Variants in SLC10A2 observed in about 807,000 individuals in gnomAD.
SLC10A2 encodes ileal sodium/bile acid cotransporter.
Under a neutral mutation model 27.1 loss-of-function variants are expected in SLC10A2, and 34 were observed. The ratio of observed to expected loss-of-function variants is 1.26; its 90% CI spans 0.96 to 1.67. The LOEUF is 1.67. Ranked by LOEUF, SLC10A2 falls within the 40% of genes most tolerant of loss-of-function variation. SLC10A2 has a pLI of 0.00. For synonymous variants in SLC10A2, 205 were observed against 174.0 expected (o/e 1.18, Z -1.40); for missense variants, 530 against 444.4 (o/e 1.19, Z -1.73).
chr13:103,046,350 T>C, intron 5 of SLC10A2, 90 bp from the exon 6 acceptor site: 1 of 1,089,744 alleles, frequency 9.2e-7, no homozygotes, highest in East Asian at 2.6e-5. Context: ...ATGATTCACA[T>C]GGCAGATCAC....
intron 2 of SLC10A2, 28 bp downstream of exon 2, chr13:103,058,236 T>C: frequency 1.6e-6 from 2 of 1,275,682 alleles, no homozygotes; most frequent in Non-Finnish European, 2.3e-6. Context: ...AGGGTAACAG[T>C]CAACAGTCTT....
intron 3 of SLC10A2, among the ~76,000 whole-genome samples, chr13:103,052,096 A>G (rs1179390856): frequency 6.6e-6 from 1 of 152,274 alleles, no homozygotes; most frequent in Non-Finnish European, 1.5e-5. Flanking sequence ...TAGCTAGAAT[A>G]TAGTTAGTGA....
chr13:103,058,553 C>T (rs1188964679), intron 1 of SLC10A2, among the ~76,000 whole-genome samples, 171 bp from the exon 2 acceptor site: 1 of 152,094 alleles, frequency 6.6e-6, no homozygotes, highest in African/African-American at 2.4e-5. Context: ...TATTTCATTG[C>T]CTAGGTATTA....
chr13:103,052,097 T>C (rs1250754046), intron 3 of SLC10A2, among the ~76,000 whole-genome samples: 3 of 152,348 alleles, frequency 2.0e-5, no homozygotes, highest in Non-Finnish European at 4.4e-5. Flanking sequence ...AGCTAGAATA[T>C]AGTTAGTGAA....
intron 3 of SLC10A2, 53 bp from the exon 4 acceptor site, chr13:103,051,485 A>G: frequency 6.3e-7 from 1 of 1,590,296 alleles, no homozygotes; most frequent in Non-Finnish European, 8.6e-7. Context: ...AAGCAAATCC[A>G]AGTATGTTTG....
In SLC10A2 at chr13:103,065,949, G is replaced by A. The variant is rs945271994; in HGVS notation, c.301C>T (p.Leu101Phe). ...DILPLQAVVV[L>F]IIGCCPGGTA... ...CCTCCAGGGCAGCATCCTATAATGA[G>A]CACCACTACGGCCTGGAGCGGGAGG... The change falls in exon 1 of 6, where the codon CTC becomes TTC. Residue 101 changes from leucine to phenylalanine, a missense_variant. Transcript: ENST00000245312. The A allele has an allele frequency of 8.7e-6, 14 of 1,614,034 alleles. No individual in the cohort carries two copies. The African/African-American group carries it at 1.3e-4, about 15-fold the overall frequency.
At position 103,046,219 on chromosome 13, in the gene SLC10A2, C is replaced by A; in HGVS notation, c.961G>T (p.Glu321Ter). ...YKKCHGKNKAEIPESKENGTE... is the reference protein window; with the variant it reads ...YKKCHGKNKA ...CCATTTTCTTTGCTCTCTGGAATTT[C>A]TGCCTTGTTTTTTCCATGACATTTC... Residue 321 changes from glutamate (E) to a stop codon, truncating the protein, a stop_gained, in exon 6 of 6, where the codon GAA (glutamate) becomes TAA (stop). Transcript: ENST00000245312. LOFTEE classifies it low-confidence loss of function (END_TRUNC). The A allele has an allele frequency of 6.2e-7, 1 of 1,613,594 alleles. No individual in the cohort carries two copies. The highest frequency in any genetic ancestry group is 1.1e-5 in the South Asian group (1 of 91,066).
At chr13:103,048,521 G>T (rs143209940) in intron 5 of SLC10A2, among the ~76,000 whole-genome samples, 1 of 151,942 alleles carries the variant, frequency 6.6e-6, no homozygotes, top group Non-Finnish European at 1.5e-5. Flanking sequence ...GTTTTGTTGC[G>T]TGCCTTCACT....
At chr13:103,051,686 T>C in intron 3 of SLC10A2, among the ~76,000 whole-genome samples, 1 of 152,236 alleles carries the variant, frequency 6.6e-6, no homozygotes, top group East Asian at 1.9e-4. Context: ...ATTTTCTGAC[T>C]TGAAAATTAT....
At chr13:103,060,180 C>A (rs1284417718) in intron 1 of SLC10A2, among the ~76,000 whole-genome samples, 1 of 152,128 alleles carries the variant, frequency 6.6e-6, no homozygotes, top group Non-Finnish European at 1.5e-5. Context: ...ACATTCTCTG[C>A]CTTTAAAGCC....
chr13:103,049,415 G>A lies in SLC10A2; in HGVS notation c.793C>T (p.Gln265Ter), dbSNP rs201240195. The A allele has an allele frequency of 6.8e-6, 11 of 1,613,960 alleles. No individual in the cohort carries two copies. The highest frequency in any genetic ancestry group is 1.3e-5 in the African/African-American group (1 of 75,002). ...ATGGTGGAACATAGCTGCGTGTTCT[G>A]CATCCCCGTTTCAAAAGCAACCGTT... ...CRTVAFETGM[Q>*]NTQLCSTIVQ... Residue 265 changes from glutamine to a stop codon, truncating the protein, a stop_gained, in exon 5 of 6, where the codon CAG becomes TAG. Transcript: ENST00000245312. LOFTEE classifies it high-confidence loss of function.
intron 2 of SLC10A2, among the ~76,000 whole-genome samples, chr13:103,057,209 A>G (rs1189526459): frequency 1.3e-5 from 2 of 152,112 alleles, no homozygotes; most frequent in Non-Finnish European, 2.9e-5. Context: ...GGTGATTGTT[A>G]CTGATTTACT....
At chr13:103,051,230 C>T in intron 4 of SLC10A2, 27 bp downstream of exon 4, 1 of 1,609,420 alleles carries the variant, frequency 6.2e-7, no homozygotes, top group Non-Finnish European at 8.5e-7. Flanking sequence ...GATTAAAATT[C>T]CCAATGTGAT....
Position 103,065,989 on chromosome 13 carries a change from C to A in SLC10A2, c.261G>T (p.Ser87=). The A allele has an allele frequency of 5.6e-6, 9 of 1,613,990 alleles. No homozygotes were observed. Among genetic ancestry groups the A allele is most frequent in the South Asian group, 1.1e-5 (1 of 91,064 alleles). The change falls in exon 1 of 6, where the codon TCG becomes TCT. Residue 87 remains serine, a synonymous_variant. Coordinates refer to ENST00000245312, the MANE Select transcript of SLC10A2 (RefSeq NM_000452.3). ...GGAGCGGGAGGATGTCAAAGGCCAC[C>A]GACAGGATGAATCCTGTGAGGGGCA... is the stretch of plus-strand genomic sequence containing the variant. ...GIMPLTGFIL[S]VAFDILPLQA...
rs1875580916 is a variant in SLC10A2, at chr13:103,045,441, G to A, written c.*692C>T. 2 of 152,276 alleles carry A rather than the reference G, an allele frequency of 1.3e-5. No individual in the cohort carries two copies. Among genetic ancestry groups the A allele is most frequent in the Admixed American group, 1.3e-4 (2 of 15,272 alleles). The allele number at this position is 152,276 out of a possible 1,614,324, so 9.4% of individuals were successfully genotyped here. A position where few individuals can be genotyped will look rare whatever the true frequency, so the allele number is the denominator to read the frequency against. On this transcript the variant is annotated 3_prime_UTR_variant, in exon 6 of 6. Coordinates refer to ENST00000245312, the MANE Select transcript of SLC10A2 (RefSeq NM_000452.3). ...GGTATCACTGGACCCCTGAGGTAGAGCAATAGATGTACGATATCCCTGCTG... is the reference window on the plus strand; with the variant it reads ...GGTATCACTGGACCCCTGAGGTAGAACAATAGATGTACGATATCCCTGCTG...
At chr13:103,049,755 A>G (rs2138912589) in intron 4 of SLC10A2, among the ~76,000 whole-genome samples, 1 of 152,188 alleles carries the variant, frequency 6.6e-6, no homozygotes, top group East Asian at 1.9e-4. Context: ...CTTTTCAATT[A>G]TGATTTTGGT....
intron 5 of SLC10A2, among the ~76,000 whole-genome samples, 165 bp from the exon 6 acceptor site, chr13:103,046,425 T>C (rs1279405052): frequency 6.6e-6 from 1 of 152,204 alleles, no homozygotes; most frequent in African/African-American, 2.4e-5. Context: ...TGGCTACTCA[T>C]GGCGAGAGGG....
chr13:103,053,989 T>G (rs1875864792), intron 2 of SLC10A2, among the ~76,000 whole-genome samples: 1 of 152,148 alleles, frequency 6.6e-6, no homozygotes, highest in African/African-American at 2.4e-5. Context: ...CCTGCTGTTT[T>G]GGGAGTGATA....
chr13:103,055,024 T>A (rs1399550555), intron 2 of SLC10A2, among the ~76,000 whole-genome samples: 1 of 152,114 alleles, frequency 6.6e-6, no homozygotes, highest in Non-Finnish European at 1.5e-5. Context: ...GAAAGAAGAA[T>A]GAGAATGAAA....
Sources: allele counts gnomAD v4.1 joint callset (sites outside exome capture counted in the v4.1 genomes callset), GRCh38; gene constraint gnomAD v4.1.1; transcripts MANE v1.5; gene names NCBI Gene and HGNC (gene_info 2026-07-23, HGNC 2026-07-21).